The following RNF220 variants were observed in gnomAD, a reference collection of about 807,000 sequenced individuals.
RNF220 encodes the protein E3 ubiquitin-protein ligase RNF220.
A neutral mutation model predicts 67.1 loss-of-function variants in RNF220; 7 were observed. The ratio of observed to expected loss-of-function variants is 0.10; its 90% confidence interval spans 0.06 to 0.20. The LOEUF is 0.20. RNF220 is among the 10% of genes least tolerant of loss of function. RNF220 has a pLI of 1.00. For synonymous variants in RNF220, 270 were observed against 283.2 expected (o/e 0.95, Z 0.47); for missense variants, 565 against 740.3 (o/e 0.76, Z 2.75).
At chr1:44,405,219 G>A (rs1236019456), upstream of RNF220, 5 of 350,190 alleles carry the variant, frequency 1.4e-5, no homozygotes, top group Non-Finnish European at 2.6e-5. Context: ...GTGCGCGCGT[G>A]TGTGTGTCTC....
chr1:44,579,417 C>T (rs1402838584), intron 2 of RNF220, among the ~76,000 whole-genome samples: 1 of 152,162 alleles, frequency 6.6e-6, no homozygotes, highest in Non-Finnish European at 1.5e-5. Context: ...GCATCTTAAT[C>T]TCTCCCTAGA....
intron 2 of RNF220, among the ~76,000 whole-genome samples, chr1:44,471,851 C>T (rs1654842839): frequency 6.6e-6 from 1 of 151,968 alleles, no homozygotes; most frequent in African/African-American, 2.4e-5. Context: ...AAAACAAAAA[C>T]AAGAAGCCCT....
rs1405604421 is a variant in RNF220, at chr1:44,606,466, G to A, written c.626-7699G>A. Among the ~76,000 whole-genome samples, 1 of 152,200 alleles carries A rather than the reference G, an allele frequency of 6.6e-6. No homozygotes were observed. The highest frequency in any genetic ancestry group is 1.9e-4 in the East Asian group (1 of 5,202). On this transcript the variant is annotated intron_variant, in intron 2 of 14. Transcript: ENST00000361799. The surrounding 1 kb of genome is among the most constrained non-coding windows in gnomAD (Gnocchi z 4.2). The stretch of plus-strand genomic sequence containing the variant: ...CAGGTGGATGAACTGGAGGGTAGAT[G>A]GTTGTGCTATGTATAAGATGAGTGG...
rs148172483 is a variant in RNF220, at chr1:44,617,948, CCT to C, written c.758+3655_758+3656del. ...CTTCTCTCCTCCAATTGTCCCTTTT[CCT>C]CTCCTACCCTGCCTTTGCCTCCATT... is the stretch of plus-strand genomic sequence containing the variant. On this transcript the variant is annotated intron_variant, in intron 3 of 14. Coordinates refer to ENST00000361799, the MANE Select transcript of RNF220 (RefSeq NM_018150.4). Among the ~76,000 whole-genome samples, 27 of 151,930 alleles carry C rather than the reference CCT, an allele frequency of 1.8e-4. No homozygotes were observed. The East Asian group carries it at 4.5e-3, about 25-fold the overall frequency.
At chr1:44,635,679 T>C in intron 7 of RNF220, 91 bp downstream of exon 7, 2 of 1,604,422 alleles carry the variant, frequency 1.2e-6, no homozygotes, top group Non-Finnish European at 1.7e-6. Flanking sequence ...AGAGGGGCCA[T>C]CACCACCCAC....
intron 2 of RNF220, among the ~76,000 whole-genome samples, chr1:44,611,272 T>C (rs1643296116): frequency 6.6e-6 from 1 of 152,186 alleles, no homozygotes; most frequent in African/African-American, 2.4e-5. Context: ...GTTGTCCTGA[T>C]AGGGAAACTG....
At chr1:44,442,727 G>A (rs921317039) in intron 2 of RNF220, among the ~76,000 whole-genome samples, 6 of 152,018 alleles carry the variant, frequency 3.9e-5, no homozygotes. Flanking sequence ...ATGTTGCCCA[G>A]GTTGGTCTTG....
At position 44,565,776 on chromosome 1, in the gene RNF220, G is replaced by A. The variant is rs1422840772; in HGVS notation, c.626-48389G>A. Among the ~76,000 whole-genome samples the A allele has an allele frequency of 1.3e-5, 2 of 152,080 alleles. No individual in the cohort carries two copies. The highest frequency in any genetic ancestry group is 2.9e-5 in the Non-Finnish European group (2 of 68,018). On this transcript the variant is annotated intron_variant, in intron 2 of 14. Coordinates refer to ENST00000361799, the MANE Select transcript of RNF220 (RefSeq NM_018150.4). The surrounding 1 kb of genome is among the most constrained non-coding windows in gnomAD (Gnocchi z 4.2). ...CCACTGCCTTCCCTGCCCCTCCCTG[G>A]GTGCCAATGGGACTGGATCTGGAGA...
At chr1:44,460,186 G>T (rs1387548326) in intron 2 of RNF220, among the ~76,000 whole-genome samples, 2 of 152,196 alleles carry the variant, frequency 1.3e-5, no homozygotes, top group Non-Finnish European at 2.9e-5. Context: ...ATTGGTTGAG[G>T]GCTGTTCTTA....
intron 1 of RNF220, among the ~76,000 whole-genome samples, chr1:44,406,014 C>T (rs1435842348): frequency 6.6e-6 from 1 of 152,178 alleles, no homozygotes; most frequent in African/African-American, 2.4e-5. Context: ...ATGTACCCCG[C>T]GTTGATTTCC....
chr1:44,482,516 T>C (rs1235671429), intron 2 of RNF220, among the ~76,000 whole-genome samples: 4 of 152,244 alleles, frequency 2.6e-5, no homozygotes, highest in Non-Finnish European at 5.9e-5. Context: ...GAAATCTTTC[T>C]GTAGGAAGAA....
chr1:44,613,167 C>A (rs1001552755), intron 2 of RNF220, among the ~76,000 whole-genome samples: 1 of 149,544 alleles, frequency 6.7e-6, no homozygotes, highest in Non-Finnish European at 1.5e-5. Context: ...GCTCCTCAAC[C>A]CCACACCTGT....
At chr1:44,460,578 G>C (rs146059887) in intron 2 of RNF220, among the ~76,000 whole-genome samples, 1 of 152,148 alleles carries the variant, frequency 6.6e-6, no homozygotes, top group African/African-American at 2.4e-5. Context: ...GATCATTGAG[G>C]GTTCATTGAG....
chr1:44,497,576 A>G (rs1372270343), intron 2 of RNF220, among the ~76,000 whole-genome samples: 2 of 152,124 alleles, frequency 1.3e-5, no homozygotes, highest in Non-Finnish European at 2.9e-5. Flanking sequence ...TCCCATCACC[A>G]CCATGTGATA....
At chr1:44,566,515 C>T (rs1307274830) in intron 2 of RNF220, among the ~76,000 whole-genome samples, 5 of 135,472 alleles carry the variant, frequency 3.7e-5, no homozygotes, top group Non-Finnish European at 8.7e-5. Context: ...TGGCCCTCCC[C>T]GTCAAGGCTG....
At chr1:44,640,821 G>A (rs934104707) in intron 8 of RNF220, among the ~76,000 whole-genome samples, 8 of 152,154 alleles carry the variant, frequency 5.3e-5, no homozygotes, top group Non-Finnish European at 8.8e-5. Context: ...TGTAAAACTC[G>A]CCGGAAGCTG....
intron 3 of RNF220, among the ~76,000 whole-genome samples, chr1:44,618,445 A>G (rs1255088801): frequency 3.9e-5 from 6 of 152,246 alleles, no homozygotes; most frequent in African/African-American, 1.4e-4. Context: ...TACACTTTTC[A>G]AAGCACTTTT....
chr1:44,593,554 G>A (rs1234863024), intron 2 of RNF220, among the ~76,000 whole-genome samples: 1 of 151,872 alleles, frequency 6.6e-6, no homozygotes, highest in Admixed American at 6.6e-5. Context: ...GTGAGAGCCT[G>A]TTTCTACAAA....
chr1:44,615,905 A>G (rs1231982727), intron 3 of RNF220, among the ~76,000 whole-genome samples: 1 of 152,222 alleles, frequency 6.6e-6, no homozygotes, highest in Non-Finnish European at 1.5e-5. Flanking sequence ...TGTGGGTAGT[A>G]GTGGCTACTG....
Sources: allele counts gnomAD v4.1 joint callset (sites outside exome capture counted in the v4.1 genomes callset), GRCh38; gene constraint gnomAD v4.1.1; non-coding constraint Gnocchi (gnomAD v3.1); transcripts MANE v1.5; gene names NCBI Gene and HGNC (gene_info 2026-07-23, HGNC 2026-07-21).